CHKA: variants seen among roughly 807,000 people sequenced by gnomAD.
The protein encoded by CHKA is choline kinase alpha, also known as CHETK-alpha.
Under a neutral mutation model 60.1 loss-of-function variants are expected in CHKA, and 34 were observed. The observed-to-expected ratio is 0.57, with a 90% confidence interval of 0.43 to 0.75. The LOEUF (loss-of-function observed/expected upper bound fraction) is 0.75, where lower values mean the gene tolerates loss of function less well. CHKA is among the 30% of genes least tolerant of loss of function. The pLI is 0.00. For synonymous variants in CHKA, 217 were observed against 223.1 expected, an observed-to-expected ratio of 0.97 and a Z score of 0.24; for missense variants, 563 against 561.3, an observed-to-expected ratio of 1.00 and a Z score of -0.03.
intron 2 of CHKA, among the ~76,000 whole-genome samples, chr11:68,095,798 G>A (rs1290358688): frequency 1.4e-5 from 2 of 142,278 alleles, no homozygotes; most frequent in Non-Finnish European, 3.0e-5. Flanking sequence ...TCCCAGCACC[G>A]CGAGAGGGTG....
intron 11 of CHKA, among the ~76,000 whole-genome samples, chr11:68,054,308 C>T (rs868722640): frequency 9.2e-5 from 14 of 152,232 alleles, no homozygotes; most frequent in Admixed American, 3.9e-4. Flanking sequence ...AGCCCTGCCT[C>T]TCAGGATGAA....
chr11:68,119,654 G>A (rs1445462471), intron 1 of CHKA, among the ~76,000 whole-genome samples: 1 of 152,078 alleles, frequency 6.6e-6, no homozygotes, highest in East Asian at 1.9e-4. Context: ...ATTTTTAGTA[G>A]ATATGGGGTT....
At chr11:68,111,108 C>T (rs1479125437) in intron 1 of CHKA, among the ~76,000 whole-genome samples, 1 of 151,848 alleles carries the variant, frequency 6.6e-6, no homozygotes, top group East Asian at 1.9e-4. Flanking sequence ...CCTCAAGAAT[C>T]ATTATGAAGC....
intron 3 of CHKA, among the ~76,000 whole-genome samples, chr11:68,078,285 A>C (rs894425847): frequency 1.3e-5 from 2 of 152,252 alleles, no homozygotes; most frequent in African/African-American, 2.4e-5. Context: ...CTAGAGGTTC[A>C]CAAGCCACAA....
At chr11:68,120,780 C>T (rs770152068) in intron 1 of CHKA, 48 bp downstream of exon 1, 2 of 1,040,530 alleles carry the variant, frequency 1.9e-6, no homozygotes, top group Non-Finnish European at 2.4e-6. Flanking sequence ...CCGGCCCCGC[C>T]CCGCGTCACC....
intron 6 of CHKA, among the ~76,000 whole-genome samples, 182 bp downstream of exon 6, chr11:68,070,007 T>C (rs890292948): frequency 6.6e-6 from 1 of 152,206 alleles, no homozygotes; most frequent in East Asian, 1.9e-4. Flanking sequence ...TTCTAGTCCA[T>C]AGAGTCCATA....
chr11:68,054,438 G>A (rs991104340), intron 11 of CHKA, among the ~76,000 whole-genome samples: 3 of 152,178 alleles, frequency 2.0e-5, no homozygotes, highest in Non-Finnish European at 4.4e-5. Flanking sequence ...GGACACAGGC[G>A]AGTCTAGAAC....
At chr11:68,109,061 A>G (rs1858029528) in intron 1 of CHKA, among the ~76,000 whole-genome samples, 1 of 151,694 alleles carries the variant, frequency 6.6e-6, no homozygotes, top group Non-Finnish European at 1.5e-5. Context: ...GGGAGGGGCA[A>G]AGAAACCTTT....
intron 1 of CHKA, among the ~76,000 whole-genome samples, chr11:68,112,010 G>A (rs1403367282): frequency 8.4e-6 from 1 of 119,178 alleles, no homozygotes; most frequent in Non-Finnish European, 1.6e-5. Context: ...CCGAGATCAC[G>A]CCATTGCATT....
intron 11 of CHKA, among the ~76,000 whole-genome samples, chr11:68,054,389 T>C (rs1481556076): frequency 6.6e-6 from 1 of 152,234 alleles, no homozygotes; most frequent in Admixed American, 6.5e-5. Context: ...GGGCACTGAC[T>C]GACCGACATA....
At chr11:68,118,590 T>C (rs1489934557) in intron 1 of CHKA, among the ~76,000 whole-genome samples, 1 of 152,212 alleles carries the variant, frequency 6.6e-6, no homozygotes, top group African/African-American at 2.4e-5. Flanking sequence ...TGCCCTTGTG[T>C]CTTTTTTAAA....
Position 68,120,944 on chromosome 11 carries a change from G to A in CHKA, c.234C>T (p.Pro78=), listed in dbSNP as rs1858616386. The A allele has an allele frequency of 5.9e-6, 7 of 1,181,668 alleles. No individual in the cohort carries two copies. In the South Asian group the frequency reaches 1.7e-4, roughly 28 times the overall value. The allele number at this position is 1,181,668 out of a possible 1,614,324, so 73.2% of individuals were successfully genotyped here. ...PLPQPPPPQP[P]ADEQPEPRTR... is the part of the protein sequence containing the mutation. ...TCCGGGGCTCCGGCTGCTCGTCTGCGGGCGGCTGCGGCGGCGGGGGCTGGG... is the reference window on the plus strand; with the variant it reads ...TCCGGGGCTCCGGCTGCTCGTCTGCAGGCGGCTGCGGCGGCGGGGGCTGGG... The change falls in exon 1 of 12, where the codon CCC becomes CCT. Residue 78 remains proline, a synonymous_variant. Transcript: ENST00000265689.
At chr11:68,079,063 A>G (rs1291760048) in intron 3 of CHKA, among the ~76,000 whole-genome samples, 2 of 151,342 alleles carry the variant, frequency 1.3e-5, no homozygotes, top group Non-Finnish European at 2.9e-5. Context: ...CCTCCCGAGT[A>G]GCTAGGACTA....
intron 9 of CHKA, 58 bp downstream of exon 9, chr11:68,065,727 TA>T: frequency 8.5e-7 from 1 of 1,174,990 alleles, no homozygotes; most frequent in Non-Finnish European, 1.3e-6. Flanking sequence ...GATGTAATTC[TA>T]ACTGCATGAA....
intron 2 of CHKA, among the ~76,000 whole-genome samples, chr11:68,085,220 G>A (rs1358919373): frequency 2.6e-5 from 4 of 152,018 alleles, no homozygotes; most frequent in African/African-American, 9.7e-5. Context: ...TTTAAGAGGT[G>A]AAACTTTAAA....
At chr11:68,085,373 C>T (rs1857146680) in intron 2 of CHKA, among the ~76,000 whole-genome samples, 1 of 151,930 alleles carries the variant, frequency 6.6e-6, no homozygotes, top group Admixed American at 6.6e-5. Flanking sequence ...CAGGCATGTG[C>T]CACCATACCT....
At chr11:68,100,295 T>C (rs1316454230) in intron 1 of CHKA, among the ~76,000 whole-genome samples, 1 of 152,164 alleles carries the variant, frequency 6.6e-6, no homozygotes, top group Non-Finnish European at 1.5e-5. Context: ...CATAATTAGA[T>C]ATGAGAGGCA....
At chr11:68,081,090 C>G (rs986394811) in intron 3 of CHKA, among the ~76,000 whole-genome samples, 11 of 152,226 alleles carry the variant, frequency 7.2e-5, no homozygotes, top group African/African-American at 2.7e-4. Flanking sequence ...CAGCGGCAGC[C>G]AGGGCCTCCT....
In CHKA at chr11:68,105,862, G is replaced by A. The variant is rs537361440; in HGVS notation, c.351-8732C>T. On this transcript the variant is annotated intron_variant, in intron 1 of 11. Transcript: ENST00000265689. The stretch of plus-strand genomic sequence containing the variant: ...CCCAGTCTAGCACATACAGGGCTTA[G>A]TCCCCAAGGCTGAGGGCCTGGACCT... Among the ~76,000 whole-genome samples, 4 of 152,300 alleles carry A rather than the reference G, an allele frequency of 2.6e-5. No homozygotes were observed. In the East Asian group the frequency reaches 7.7e-4, roughly 29 times the overall value.
Sources: allele counts gnomAD v4.1 joint callset (sites outside exome capture counted in the v4.1 genomes callset), GRCh38; gene constraint gnomAD v4.1.1; transcripts MANE v1.5; gene names NCBI Gene and HGNC (gene_info 2026-07-23, HGNC 2026-07-21).